The following HCRTR2 variants were observed in gnomAD, a reference collection of about 807,000 sequenced individuals.
The protein encoded by HCRTR2 is orexin receptor type 2.
A neutral mutation model predicts 49.0 loss-of-function variants in HCRTR2; 22 were observed. That is an observed-to-expected ratio of 0.45 (90% CI 0.32 to 0.64). HCRTR2 has a LOEUF of 0.64. Ranked by LOEUF, HCRTR2 falls within the 30% of genes least tolerant of loss-of-function variation. HCRTR2 has a pLI of 0.04. For missense variants in HCRTR2, 491 were observed against 559.4 expected (o/e 0.88, Z 1.23); for synonymous variants, 236 against 205.3 (o/e 1.15, Z -1.28).
At chr6:55,125,128 G>T (rs1262562286) in intron 1 of HCRTR2, among the ~76,000 whole-genome samples, 4 of 152,170 alleles carry the variant, frequency 2.6e-5, no homozygotes, top group Admixed American at 6.5e-5. Context: ...GGTTAATATT[G>T]TTATGTGTGA....
At chr6:55,278,959 T>G (rs1767134511) in intron 5 of HCRTR2, among the ~76,000 whole-genome samples, 1 of 151,952 alleles carries the variant, frequency 6.6e-6, no homozygotes, top group Non-Finnish European at 1.5e-5. Flanking sequence ...TTGGATTTCC[T>G]GTATCTCAGA....
At chr6:55,261,644 G>A (rs1298364014) in intron 3 of HCRTR2, among the ~76,000 whole-genome samples, 2 of 152,162 alleles carry the variant, frequency 1.3e-5, no homozygotes, top group African/African-American at 2.4e-5. Context: ...TGGAATGAAT[G>A]TGGTGGAGAG....
intron 1 of HCRTR2, among the ~76,000 whole-genome samples, chr6:55,193,521 G>A (rs1765356813): frequency 1.3e-5 from 2 of 151,420 alleles, no homozygotes; most frequent in Non-Finnish European, 2.9e-5. Context: ...TTGGATTTGA[G>A]GGTTTTTTGT....
At chr6:55,224,332 CAT>C (rs1479003405) in intron 1 of HCRTR2, among the ~76,000 whole-genome samples, 6 of 151,936 alleles carry the variant, frequency 3.9e-5, no homozygotes, top group Admixed American at 1.3e-4. Context: ...ACGTAGAAAA[CAT>C]GGGCTGGGTG....
At chr6:55,213,824 C>A (rs1765738237) in intron 1 of HCRTR2, among the ~76,000 whole-genome samples, 1 of 152,116 alleles carries the variant, frequency 6.6e-6, no homozygotes, top group African/African-American at 2.4e-5. Context: ...AAAACAAGGG[C>A]AACAGTTTGG....
At chr6:55,179,695 A>G (rs571638471) in intron 1 of HCRTR2, among the ~76,000 whole-genome samples, 1 of 152,282 alleles carries the variant, frequency 6.6e-6, no homozygotes, top group East Asian at 1.9e-4. Flanking sequence ...CAAATCTAAA[A>G]CTCAAACATA....
chr6:55,183,242 G>A (rs1242465595), intron 1 of HCRTR2, among the ~76,000 whole-genome samples: 2 of 152,112 alleles, frequency 1.3e-5, no homozygotes, highest in Non-Finnish European at 2.9e-5. Flanking sequence ...CTCTGCTGGG[G>A]GATTAGAGAG....
At chr6:55,259,461 C>T (rs1160598610) in intron 3 of HCRTR2, among the ~76,000 whole-genome samples, 1 of 152,004 alleles carries the variant, frequency 6.6e-6, no homozygotes, top group Non-Finnish European at 1.5e-5. Context: ...TTTACTTGTT[C>T]ATTCAATTCC....
chr6:55,156,644 A>T (rs1764734077), intron 1 of HCRTR2, among the ~76,000 whole-genome samples: 1 of 151,912 alleles, frequency 6.6e-6, no homozygotes, highest in Admixed American at 6.6e-5. Context: ...TTGATGCAAA[A>T]ATTTTCAAAA....
At chr6:55,260,670 G>A (rs1383809378) in intron 3 of HCRTR2, among the ~76,000 whole-genome samples, 1 of 152,158 alleles carries the variant, frequency 6.6e-6, no homozygotes, top group Non-Finnish European at 1.5e-5. Flanking sequence ...GGGTTTAGAA[G>A]CATGAATATG....
intron 1 of HCRTR2, among the ~76,000 whole-genome samples, chr6:55,235,138 G>A (rs567050026): frequency 6.6e-6 from 1 of 152,272 alleles, no homozygotes; most frequent in African/African-American, 2.4e-5. Flanking sequence ...AATCTATGGT[G>A]TTACAAATCA....
At chr6:55,161,492 A>G (rs888910653) in intron 1 of HCRTR2, among the ~76,000 whole-genome samples, 5 of 152,186 alleles carry the variant, frequency 3.3e-5, no homozygotes, top group African/African-American at 1.2e-4. Flanking sequence ...TGAGAGCAGA[A>G]CTAAGGAGAG....
At chr6:55,215,530 CG>C (rs1376327115) in intron 1 of HCRTR2, among the ~76,000 whole-genome samples, 1 of 151,954 alleles carries the variant, frequency 6.6e-6, no homozygotes, top group African/African-American at 2.4e-5. Context: ...GGAAAAACAA[CG>C]GGATATTATA....
chr6:55,174,478 G>A, upstream of HCRTR2: 1 of 913,442 alleles, frequency 1.1e-6, no homozygotes. Flanking sequence ...TTCTGCTCGG[G>A]AGCCCCTTCT....
chr6:55,275,527 A>G (rs1767060448), intron 4 of HCRTR2, among the ~76,000 whole-genome samples: 1 of 150,986 alleles, frequency 6.6e-6, no homozygotes, highest in African/African-American at 2.4e-5. Flanking sequence ...ATCCTTATTT[A>G]GATCATTATC....
intron 1 of HCRTR2, among the ~76,000 whole-genome samples, chr6:55,154,454 C>A (rs1173206248): frequency 6.6e-6 from 1 of 151,618 alleles, no homozygotes; most frequent in Non-Finnish European, 1.5e-5. Flanking sequence ...CCTTAGGACG[C>A]AAGGATAAGT....
At chr6:55,208,915 GTGGATAC>G (rs1765651338) in intron 1 of HCRTR2, among the ~76,000 whole-genome samples, 1 of 152,206 alleles carries the variant, frequency 6.6e-6, no homozygotes, top group South Asian at 2.1e-4. Context: ...AGGCCCAAAT[GTGGATAC>G]TGGTACTGAG....
At chr6:55,284,701 C>A (rs1767253826), downstream of HCRTR2, among the ~76,000 whole-genome samples, 1 of 150,346 alleles carries the variant, frequency 6.7e-6, no homozygotes, top group Non-Finnish European at 1.5e-5. Context: ...ACAATTGCTA[C>A]TGATAAATGC....
intron 1 of HCRTR2, among the ~76,000 whole-genome samples, chr6:55,179,360 C>G (rs1765093257): frequency 6.6e-6 from 1 of 152,150 alleles, no homozygotes; most frequent in South Asian, 2.1e-4. Flanking sequence ...GTAATATTAA[C>G]TATTAGGCTT....
Sources: gnomAD v4.1 joint callset for allele counts (sites outside exome capture counted in the v4.1 genomes callset) on GRCh38, gnomAD v4.1.1 for gene constraint, MANE v1.5 for transcripts, NCBI Gene and HGNC (gene_info 2026-07-23, HGNC 2026-07-21) for gene names.